The following EPB41L5 variants were observed in gnomAD, a reference collection of about 807,000 sequenced individuals.
The protein encoded by EPB41L5 is erythrocyte membrane protein band 4.1 like 5.
Under a neutral mutation model 106.6 loss-of-function variants are expected in EPB41L5, and 55 were observed. The observed-to-expected ratio is 0.52, with a 90% confidence interval of 0.42 to 0.65. EPB41L5 has a LOEUF of 0.65. Among genes scored for constraint, EPB41L5 ranks in the 30% least tolerant of loss-of-function variants. EPB41L5 has a pLI of 0.00. For missense variants in EPB41L5, 871 were observed against 882.1 expected, an observed-to-expected ratio of 0.99 and a Z score of 0.16; for synonymous variants, 297 against 306.7, an observed-to-expected ratio of 0.97 and a Z score of 0.33.
intron 16 of EPB41L5, among the ~76,000 whole-genome samples, chr2:120,126,009 A>C (rs1480021801): frequency 6.6e-6 from 1 of 152,150 alleles, no homozygotes; most frequent in African/African-American, 2.4e-5. Context: ...TTGTCTTCAC[A>C]TAGCATTCTC....
At chr2:120,037,965 T>A (rs911029928) in intron 2 of EPB41L5, among the ~76,000 whole-genome samples, 7 of 152,144 alleles carry the variant, frequency 4.6e-5, no homozygotes, top group African/African-American at 1.7e-4. Context: ...AAAATCTTCA[T>A]GACATTAGAT....
chr2:120,068,409 C>T (rs1276977181), intron 3 of EPB41L5, among the ~76,000 whole-genome samples: 2 of 152,198 alleles, frequency 1.3e-5, no homozygotes, highest in Non-Finnish European at 2.9e-5. Context: ...AGTGGTCTAG[C>T]TCAGTGGATC....
intron 3 of EPB41L5, among the ~76,000 whole-genome samples, chr2:120,063,802 C>G (rs185530354): frequency 6.6e-6 from 1 of 151,972 alleles, no homozygotes; most frequent in African/African-American, 2.4e-5. Context: ...ATTAGCCGGG[C>G]GTGGTGGCGG....
chr2:120,145,335 A>G (rs561922147), intron 19 of EPB41L5, among the ~76,000 whole-genome samples: 1 of 152,378 alleles, frequency 6.6e-6, no homozygotes, highest in African/African-American at 2.4e-5. Context: ...TGATGTATCT[A>G]TACAATGAAA....
intron 19 of EPB41L5, 78 bp from the exon 20 acceptor site, chr2:120,146,147 C>T: frequency 2.3e-6 from 2 of 864,690 alleles, no homozygotes; most frequent in Non-Finnish European, 3.7e-6. Flanking sequence ...TCTGTTGTTA[C>T]CAGAAAGAAA....
intron 3 of EPB41L5, among the ~76,000 whole-genome samples, chr2:120,053,924 G>A (rs1665061): frequency 0.26 from 39,664 of 151,906 alleles, 5,595 homozygotes; most frequent in African/African-American, 0.35. Context: ...AGCCAGGTGC[G>A]GTGGTGTGTG....
intron 24 of EPB41L5, among the ~76,000 whole-genome samples, chr2:120,168,556 G>C (rs1687522613): frequency 6.6e-6 from 1 of 152,118 alleles, no homozygotes; most frequent in African/African-American, 2.4e-5. Context: ...AACTGCACCT[G>C]TTTTACAAAA....
chr2:120,077,328 G>T lies in EPB41L5; in HGVS notation c.714+12G>T, dbSNP rs372930726. On this transcript the variant is annotated intron_variant, in intron 9 of 24. Transcript: ENST00000263713. ...TGCATGTGGTCAAGGTAAGCATTGT[G>T]TTGTGATGCTTTTTTAAAAATTTAT... The T allele has an allele frequency of 2.9e-5, 46 of 1,595,730 alleles. No homozygotes were observed. Among genetic ancestry groups the T allele is most frequent in the Admixed American group, 2.3e-4 (13 of 57,678 alleles).
At chr2:120,052,261 A>G (rs186522079) in intron 3 of EPB41L5, among the ~76,000 whole-genome samples, 1 of 152,182 alleles carries the variant, frequency 6.6e-6, no homozygotes, top group Admixed American at 6.5e-5. Flanking sequence ...TCGTCCCTCA[A>G]TTTGGGTTTG....
At chr2:120,055,804 G>A (rs1680611404) in intron 3 of EPB41L5, among the ~76,000 whole-genome samples, 1 of 151,932 alleles carries the variant, frequency 6.6e-6, no homozygotes, top group Non-Finnish European at 1.5e-5. Flanking sequence ...TATTTATTTT[G>A]TATCCTGTAG....
chr2:120,098,519 ATTTC>A (rs1238712949), intron 14 of EPB41L5, among the ~76,000 whole-genome samples: 1 of 151,950 alleles, frequency 6.6e-6, no homozygotes, highest in Non-Finnish European at 1.5e-5. Context: ...CACCAATAGT[ATTTC>A]TTTGAAAGGT....
chr2:120,059,390 CAGG>C (rs1233239633), intron 3 of EPB41L5, among the ~76,000 whole-genome samples: 1 of 151,856 alleles, frequency 6.6e-6, no homozygotes, highest in Non-Finnish European at 1.5e-5. Context: ...GACAAATAAA[CAGG>C]AGAAAATCTG....
intron 2 of EPB41L5, among the ~76,000 whole-genome samples, chr2:120,031,714 G>A (rs1678720449): frequency 6.6e-6 from 1 of 152,172 alleles, no homozygotes; most frequent in African/African-American, 2.4e-5. Flanking sequence ...CCCATTACAA[G>A]TCTATGCTGG....
chr2:120,013,231 C>G (rs934063733), intron 1 of EPB41L5, 21 bp downstream of exon 1: 7 of 152,382 alleles, frequency 4.6e-5, no homozygotes, highest in Non-Finnish European at 8.8e-5. Context: ...GGCCCGGCGG[C>G]GGCGCCGCAG....
intron 24 of EPB41L5, among the ~76,000 whole-genome samples, chr2:120,170,692 C>T (rs1687636624): frequency 6.6e-6 from 1 of 152,202 alleles, no homozygotes; most frequent in Non-Finnish European, 1.5e-5. Context: ...AAGTAAGTCA[C>T]AAGTCCTTTC....
At chr2:120,171,605 A>G (rs1304816122) in intron 24 of EPB41L5, among the ~76,000 whole-genome samples, 1 of 152,232 alleles carries the variant, frequency 6.6e-6, no homozygotes, top group Non-Finnish European at 1.5e-5. Flanking sequence ...TTAGCTAAGT[A>G]TAAATGTCTG....
intron 20 of EPB41L5, among the ~76,000 whole-genome samples, chr2:120,148,483 T>C (rs1467480216): frequency 3.3e-5 from 5 of 152,064 alleles, no homozygotes; most frequent in Non-Finnish European, 7.4e-5. Context: ...TTACCTAAAG[T>C]CTGCAAACAC....
chr2:120,107,661 G>A (rs771107785), intron 16 of EPB41L5, among the ~76,000 whole-genome samples: 7 of 152,112 alleles, frequency 4.6e-5, no homozygotes, highest in Non-Finnish European at 1.0e-4. Context: ...ACTATGAATC[G>A]TGGATTTAGA....
In EPB41L5 at chr2:120,106,994, C is replaced by G. The variant is rs1684492556; in HGVS notation, c.1337+6180C>G. The G allele has an allele frequency of 6.0e-6, 5 of 830,402 alleles. No individual in the cohort carries two copies. In the African/African-American group the frequency reaches 7.4e-5, roughly 12 times the overall value. 51.4% of individuals were successfully genotyped at this position (830,402 alleles called of 1,614,324 possible). On this transcript the variant is annotated intron_variant, in intron 16 of 24. Coordinates refer to ENST00000263713, the MANE Select transcript of EPB41L5 (RefSeq NM_020909.4). The stretch of plus-strand genomic sequence containing the variant: ...ATTGTAATACCAGTATAATTCAAAT[C>G]ATCTTTTTTTTTTTGGAGGGGAGTT...
Sources: gnomAD v4.1 joint callset for allele counts (sites outside exome capture counted in the v4.1 genomes callset) on GRCh38, gnomAD v4.1.1 for gene constraint, MANE v1.5 for transcripts, NCBI Gene and HGNC (gene_info 2026-07-23, HGNC 2026-07-21) for gene names.